TBCA: variants seen among roughly 807,000 people sequenced by gnomAD.
The protein encoded by TBCA is tubulin folding cofactor A.
In TBCA, 6 loss-of-function variants were observed where a neutral mutation model predicts 15.8. That is an observed-to-expected ratio of 0.38 (90% CI 0.21 to 0.75). The LOEUF is 0.75. Ranked by LOEUF, TBCA falls within the 30% of genes least tolerant of loss-of-function variation. TBCA has a pLI of 0.46. For synonymous variants in TBCA, 32 were observed against 42.3 expected, an observed-to-expected ratio of 0.76 and a Z score of 0.94; for missense variants, 90 against 131.2, an observed-to-expected ratio of 0.69 and a Z score of 1.53.
At chr5:77,699,871 A>G (rs1170117583) in intron 2 of TBCA, among the ~76,000 whole-genome samples, 1 of 151,662 alleles carries the variant, frequency 6.6e-6, no homozygotes, top group Non-Finnish European at 1.5e-5. Flanking sequence ...AACCTTTTCT[A>G]TACTAAAAAT....
chr5:77,757,432 T>G (rs1747500775), intron 1 of TBCA, among the ~76,000 whole-genome samples: 1 of 152,172 alleles, frequency 6.6e-6, no homozygotes, highest in African/African-American at 2.4e-5. Context: ...TTACCTGCCT[T>G]CCACCATCAT....
intron 1 of TBCA, among the ~76,000 whole-genome samples, chr5:77,771,290 A>G (rs1449666727): frequency 6.6e-6 from 1 of 152,110 alleles, no homozygotes; most frequent in East Asian, 1.9e-4. Context: ...AATAACAACA[A>G]TACTATTAAA....
At chr5:77,721,231 G>C (rs1221616010) in intron 1 of TBCA, among the ~76,000 whole-genome samples, 1 of 152,128 alleles carries the variant, frequency 6.6e-6, no homozygotes, top group African/African-American at 2.4e-5. Context: ...TGAAATTACT[G>C]ATCAGAAAAT....
chr5:77,702,001 C>T (rs960416280), intron 2 of TBCA, among the ~76,000 whole-genome samples: 4 of 151,556 alleles, frequency 2.6e-5, no homozygotes, highest in South Asian at 2.1e-4. Context: ...GATGCAAAGG[C>T]GTAAGAATGA....
chr5:77,768,158 G>A (rs353915), intron 1 of TBCA, among the ~76,000 whole-genome samples: 129,531 of 152,142 alleles, frequency 0.85, 55,680 homozygotes, highest in Non-Finnish European at 0.92. Flanking sequence ...TTTATAAATT[G>A]CCCAGTCTCA....
chr5:77,726,825 C>T (rs1746639637), intron 1 of TBCA, among the ~76,000 whole-genome samples: 1 of 152,018 alleles, frequency 6.6e-6, no homozygotes, highest in Non-Finnish European at 1.5e-5. Flanking sequence ...AAAATATAGT[C>T]TATATAGTGT....
At chr5:77,748,489 T>G (rs577277750) in intron 1 of TBCA, among the ~76,000 whole-genome samples, 1 of 151,956 alleles carries the variant, frequency 6.6e-6, no homozygotes, top group East Asian at 1.9e-4. Context: ...GTTTTGCTTT[T>G]TTTTTTTAAG....
intron 1 of TBCA, among the ~76,000 whole-genome samples, chr5:77,744,412 C>T (rs1747126997): frequency 6.6e-6 from 1 of 151,942 alleles, no homozygotes; most frequent in South Asian, 2.1e-4. Context: ...ATCGAAAGTG[C>T]CAAGTCTGAA....
At position 77,696,793 on chromosome 5, in the gene TBCA, C is replaced by T. The variant is rs550380077; in HGVS notation, c.160-3441G>A. On this transcript the variant is annotated intron_variant, in intron 2 of 3. Coordinates refer to ENST00000380377, the MANE Select transcript of TBCA (RefSeq NM_004607.3). ...ATTAGGTGAGTGTGGTGGCACATGCCTCTAGTTCTAGCTACTCAAGAGGCT... is the reference window on the plus strand; with the variant it reads ...ATTAGGTGAGTGTGGTGGCACATGCTTCTAGTTCTAGCTACTCAAGAGGCT... Among the ~76,000 whole-genome samples, 3 of 152,214 alleles carry T rather than the reference C, an allele frequency of 2.0e-5. No homozygotes were observed. The South Asian group carries it at 6.2e-4, about 32-fold the overall frequency.
intron 1 of TBCA, among the ~76,000 whole-genome samples, chr5:77,756,399 G>A (rs960163989): frequency 2.6e-5 from 4 of 152,156 alleles, no homozygotes; most frequent in African/African-American, 7.2e-5. Flanking sequence ...TTGGGCTCCC[G>A]GTCACTCAGA....
chr5:77,772,700 C>T (rs1447050139), intron 1 of TBCA, among the ~76,000 whole-genome samples: 3 of 151,946 alleles, frequency 2.0e-5, no homozygotes, highest in African/African-American at 4.8e-5. Context: ...GAAGCTATAC[C>T]CCAAAATGTC....
intron 1 of TBCA, chr5:77,715,466 G>T: frequency 2.0e-6 from 1 of 491,606 alleles, no homozygotes; most frequent in East Asian, 2.9e-5. Context: ...GAGTAATAAG[G>T]TAGAAGATAT....
intron 2 of TBCA, among the ~76,000 whole-genome samples, chr5:77,707,459 G>GGA (rs1746176150): frequency 6.6e-6 from 1 of 152,158 alleles, no homozygotes. Context: ...GGTAAGGCCA[G>GGA]GAGTAAGAGC....
intron 1 of TBCA, among the ~76,000 whole-genome samples, chr5:77,718,856 T>C (rs1347357328): frequency 6.6e-6 from 1 of 152,132 alleles, no homozygotes; most frequent in African/African-American, 2.4e-5. Context: ...ACCAACTCAT[T>C]CTTCAAAACT....
chr5:77,703,589 T>A (rs1033797255), intron 2 of TBCA, among the ~76,000 whole-genome samples: 4 of 152,152 alleles, frequency 2.6e-5, no homozygotes, highest in Admixed American at 6.5e-5. Flanking sequence ...ATTTTATGTA[T>A]TTTTTGAGAC....
intron 1 of TBCA, among the ~76,000 whole-genome samples, chr5:77,713,740 A>G (rs1746333927): frequency 6.6e-6 from 1 of 152,184 alleles, no homozygotes. Flanking sequence ...AAATATGCCA[A>G]ATTTAACTAT....
intron 1 of TBCA, among the ~76,000 whole-genome samples, chr5:77,771,503 T>G (rs1222210453): frequency 2.0e-5 from 3 of 152,136 alleles, no homozygotes; most frequent in African/African-American, 7.2e-5. Context: ...GGTAACAAAG[T>G]TTCTCTAGGA....
intron 1 of TBCA, among the ~76,000 whole-genome samples, chr5:77,754,805 T>C (rs1454602133): frequency 6.6e-6 from 1 of 152,216 alleles, no homozygotes; most frequent in East Asian, 1.9e-4. Context: ...GTTTCATCAA[T>C]AAATGCAAAC....
chr5:77,697,515 T>G (rs924609606), intron 2 of TBCA, among the ~76,000 whole-genome samples: 1 of 151,924 alleles, frequency 6.6e-6, no homozygotes, highest in Non-Finnish European at 1.5e-5. Context: ...CAACATACTT[T>G]AAGTAGCCCA....
Sources: gnomAD v4.1 joint callset for allele counts (sites outside exome capture counted in the v4.1 genomes callset) on GRCh38, gnomAD v4.1.1 for gene constraint, MANE v1.5 for transcripts, NCBI Gene and HGNC (gene_info 2026-07-23, HGNC 2026-07-21) for gene names.